PRKDC: variants seen among roughly 807,000 people sequenced by gnomAD.
PRKDC encodes the protein protein kinase, DNA-activated, catalytic subunit.
A neutral mutation model predicts 486.9 loss-of-function variants in PRKDC; 82 were observed. That is an observed-to-expected ratio of 0.17 (90% CI 0.14 to 0.20). The LOEUF is 0.20. PRKDC is among the 10% of genes least tolerant of loss of function. The pLI is 1.00. For synonymous variants in PRKDC, 1,895 were observed against 1,837.0 expected (o/e 1.03, Z -0.81); for missense variants, 4,504 against 5,038.2 (o/e 0.89, Z 3.21).
chr8:47,944,969 T>A (rs2090507116), intron 7 of PRKDC, among the ~76,000 whole-genome samples: 1 of 152,242 alleles, frequency 6.6e-6, no homozygotes, highest in South Asian at 2.1e-4. Flanking sequence ...TTCTTCTGAC[T>A]ATGAGTATTC....
At chr8:47,952,683 C>G (rs2090644833) in intron 7 of PRKDC, among the ~76,000 whole-genome samples, 1 of 151,834 alleles carries the variant, frequency 6.6e-6, no homozygotes, top group African/African-American at 2.4e-5. Flanking sequence ...TAATGATACC[C>G]TGTCTCAATT....
At chr8:47,844,594 A>G (rs2088223273) in intron 54 of PRKDC, among the ~76,000 whole-genome samples, 1 of 152,170 alleles carries the variant, frequency 6.6e-6, no homozygotes, top group Non-Finnish European at 1.5e-5. Context: ...CATTCTTCTC[A>G]TCTGCACATG....
At chr8:47,935,090 G>A (rs776251755) in intron 13 of PRKDC, 32 bp from the exon 14 acceptor site, 54 of 1,357,968 alleles carry the variant, frequency 4.0e-5, no homozygotes, top group South Asian at 8.7e-5. Context: ...AAAAATGAAG[G>A]AAACACTGAA....
chr8:47,885,821 T>C lies in PRKDC; in HGVS notation c.4776+123A>G, dbSNP rs1306928846. The C allele has an allele frequency of 9.9e-6, 9 of 912,696 alleles. No homozygotes were observed. In the Admixed American group the frequency reaches 1.5e-4, roughly 15 times the overall value. 56.5% of individuals were successfully genotyped at this position (912,696 alleles called of 1,614,324 possible). On this transcript the variant is annotated intron_variant, in intron 36 of 85. Coordinates refer to ENST00000314191, the MANE Select transcript of PRKDC (RefSeq NM_006904.7). ...GCAGGAGAATCGCTTCAATCTGGGA[T>C]GCAGAGGTTGCAGTCAGCAGAGATC...
chr8:47,948,419 T>C (rs1303280460), intron 7 of PRKDC, among the ~76,000 whole-genome samples: 9 of 144,506 alleles, frequency 6.2e-5, no homozygotes, highest in African/African-American at 2.0e-4. Flanking sequence ...TACAATTATT[T>C]TTATAAGTCA....
In PRKDC at chr8:47,935,110, C is replaced by G. The variant is rs1479388009; in HGVS notation, c.1448-52G>C. The G allele has an allele frequency of 3.3e-6, 4 of 1,197,030 alleles. No homozygotes were observed. The African/African-American group carries it at 6.3e-5, about 19-fold the overall frequency. 74.2% of individuals were successfully genotyped at this position (1,197,030 alleles called of 1,614,324 possible). A position where few individuals can be genotyped will look rare whatever the true frequency, so the allele number is the denominator to read the frequency against. On this transcript the variant is annotated intron_variant, in intron 13 of 85. Coordinates refer to ENST00000314191, the MANE Select transcript of PRKDC (RefSeq NM_006904.7). ...TGAAGGAAACACTGAAAAACAGAAT[C>G]AAAACTCACAAAAAAAAACAAACAG...
chr8:47,867,878 C>G (rs758068968), intron 40 of PRKDC, among the ~76,000 whole-genome samples: 2 of 152,162 alleles, frequency 1.3e-5, no homozygotes, highest in Non-Finnish European at 2.9e-5. Flanking sequence ...TCATAGACAG[C>G]CTTTGTCAGT....
At position 47,828,207 on chromosome 8, in the gene PRKDC, G is replaced by A. The variant is rs1057461390; in HGVS notation, c.8538C>T (p.Thr2846=). Residue 2846 remains threonine (T), a synonymous_variant, in exon 62 of 86, where the codon ACC becomes ACT. Transcript: ENST00000314191. ...LLQDFNRFLN[T]TFSFFPPFVS... is the part of the protein sequence containing the mutation. ...CAAAGGGTGGAAAGAAAGAGAAGGTGGTATTAAGAAAACGATTGAAGTCTT... is the reference window on the plus strand; with the variant it reads ...CAAAGGGTGGAAAGAAAGAGAAGGTAGTATTAAGAAAACGATTGAAGTCTT... 5.6e-6 allele frequency: 9 copies of A among 1,613,584 alleles called. No homozygotes were observed. Among genetic ancestry groups the A allele is most frequent in the African/African-American group, 2.7e-5 (2 of 74,898 alleles).
intron 64 of PRKDC, among the ~76,000 whole-genome samples, chr8:47,822,916 C>T (rs1448208523): frequency 6.6e-6 from 1 of 152,152 alleles, no homozygotes. Flanking sequence ...ATTCATCTTC[C>T]CAAATTCTTC....
At chr8:47,898,801 C>T (rs1212625305) in intron 28 of PRKDC, among the ~76,000 whole-genome samples, 6 of 152,240 alleles carry the variant, frequency 3.9e-5, no homozygotes, top group African/African-American at 7.2e-5. Context: ...GGTGCGTGCA[C>T]GCACAAACAC....
intron 68 of PRKDC, among the ~76,000 whole-genome samples, chr8:47,814,719 C>T (rs1296670963): frequency 1.3e-5 from 2 of 152,066 alleles, no homozygotes; most frequent in African/African-American, 2.4e-5. Context: ...AACTCGATAA[C>T]TCTATATTGT....
intron 37 of PRKDC, 47 bp downstream of exon 37, chr8:47,881,865 A>G: frequency 6.8e-7 from 1 of 1,461,490 alleles, no homozygotes; most frequent in Non-Finnish European, 9.2e-7. Context: ...CACAAGTTAC[A>G]GAGTTCAGAA....
At chr8:47,826,451 T>C (rs545246827) in intron 63 of PRKDC, among the ~76,000 whole-genome samples, 24 of 152,386 alleles carry the variant, frequency 1.6e-4, no homozygotes, top group Admixed American at 2.6e-4. Context: ...TAACGTTCTC[T>C]TTCCTTGAGC....
At position 47,819,474 on chromosome 8, in the gene PRKDC, T is replaced by C; in HGVS notation, c.9373A>G (p.Arg3125Gly). The C allele has an allele frequency of 6.5e-7, 1 of 1,541,826 alleles. No homozygotes were observed. Among genetic ancestry groups the C allele is most frequent in the South Asian group, 1.3e-5 (1 of 78,182 alleles). ...SSIDVLLHQS[R>G]LTKLQSVQAL... ...TGTACAGACTGCAATTTGGTGAGTC[T>C]ACTTTGGTGTAAGAGGACATCAATA... The change falls in exon 67 of 86, where the codon AGA becomes GGA. Residue 3125 changes from arginine to glycine, a missense_variant. Transcript: ENST00000314191.
In PRKDC at chr8:47,913,958, A is replaced by G. The variant is rs1303221211; in HGVS notation, c.2724T>C (p.Asp908=). The G allele has an allele frequency of 6.2e-7, 1 of 1,612,448 alleles. No individual in the cohort carries two copies. The highest frequency in any genetic ancestry group is 8.5e-7 in the Non-Finnish European group (1 of 1,179,128). The change falls in exon 24 of 86, where the codon GAT becomes GAC. Residue 908 remains aspartate (D), a synonymous_variant. Transcript: ENST00000314191. The part of the protein sequence containing the change: ...FREMKPVIFL[D]VFLPRVTELA... ...ATTCTGTGACTCGAGGCAGGAACACATCCAGGAAAATGACAGGTTTCATCT... is the reference window on the plus strand; with the variant it reads ...ATTCTGTGACTCGAGGCAGGAACACGTCCAGGAAAATGACAGGTTTCATCT...
chr8:47,851,295 T>C (rs1196886056), intron 52 of PRKDC, among the ~76,000 whole-genome samples: 1 of 152,244 alleles, frequency 6.6e-6, no homozygotes, highest in East Asian at 1.9e-4. Flanking sequence ...AAATGAAACA[T>C]ATTATGTAGA....
intron 48 of PRKDC, among the ~76,000 whole-genome samples, chr8:47,857,987 C>G (rs1377295958): frequency 6.6e-6 from 1 of 152,180 alleles, no homozygotes; most frequent in East Asian, 1.9e-4. Context: ...CAGTGCAGAC[C>G]TGCTTGGCTC....
rs80146065 is a variant in PRKDC, at chr8:47,808,045, T to A, written c.9558-719A>T. Among the ~76,000 whole-genome samples, 737 of 152,324 alleles carry A rather than the reference T, an allele frequency of 4.8e-3. 17 individuals are homozygous for A. Among genetic ancestry groups the A allele is most frequent in the Admixed American group, 0.035 (534 of 15,298 alleles). On this transcript the variant is annotated intron_variant, in intron 68 of 85. Transcript: ENST00000314191. ...GGCCTAAATTTTATCTTTTGATGAA[T>A]GGGTAACATACCCTGTGTTGAGCCA...
intron 7 of PRKDC, among the ~76,000 whole-genome samples, chr8:47,947,307 T>C (rs2090550522): frequency 6.6e-6 from 1 of 152,194 alleles, no homozygotes; most frequent in Non-Finnish European, 1.5e-5. Flanking sequence ...CTCCAAATTC[T>C]GGCATTCCTC....
Sources: gnomAD v4.1 joint callset for allele counts (sites outside exome capture counted in the v4.1 genomes callset) on GRCh38, gnomAD v4.1.1 for gene constraint, MANE v1.5 for transcripts, NCBI Gene and HGNC (gene_info 2026-07-23, HGNC 2026-07-21) for gene names.